RAB18: variants seen among roughly 807,000 people sequenced by gnomAD.
The protein encoded by RAB18 is RAB18, member RAS oncogene family.
In RAB18, 10 loss-of-function variants were observed where a neutral mutation model predicts 28.5. The ratio of observed to expected loss-of-function variants is 0.35; its 90% CI spans 0.22 to 0.60. RAB18 has a LOEUF of 0.60. Ranked by LOEUF, RAB18 falls within the 20% of genes least tolerant of loss-of-function variation. The pLI is 0.78. For missense variants in RAB18, 188 were observed against 244.2 expected (o/e 0.77, Z 1.53); for synonymous variants, 93 against 86.9 (o/e 1.07, Z -0.39).
intron 2 of RAB18, among the ~76,000 whole-genome samples, chr10:27,514,385 G>A (rs1834389740): frequency 6.6e-6 from 1 of 152,094 alleles, no homozygotes; most frequent in Non-Finnish European, 1.5e-5. Flanking sequence ...TAAGAGGCCG[G>A]GGAAGAAATA....
intron 2 of RAB18, among the ~76,000 whole-genome samples, chr10:27,511,773 C>T (rs1418609593): frequency 1.3e-5 from 2 of 152,142 alleles, no homozygotes; most frequent in Non-Finnish European, 2.9e-5. Context: ...GTATAGGTAT[C>T]CTCCTTCTTA....
chr10:27,531,474 G>A, intron 3 of RAB18: 2 of 1,524,974 alleles, frequency 1.3e-6, no homozygotes, highest in Non-Finnish European at 1.8e-6. Flanking sequence ...TACAGCAGTG[G>A]GACTGGTAGC....
intron 2 of RAB18, among the ~76,000 whole-genome samples, chr10:27,513,034 T>TATATA (rs200640744): frequency 4.2e-4 from 49 of 116,412 alleles, no homozygotes; most frequent in African/African-American, 1.3e-3. Context: ...ATATATATAT[T>TATATA]TTTTTTTTTT....
intron 1 of RAB18, among the ~76,000 whole-genome samples, chr10:27,509,224 CAA>C (rs1462809911): frequency 6.6e-6 from 1 of 152,126 alleles, no homozygotes; most frequent in Non-Finnish European, 1.5e-5. Context: ...CTTTTCAAAA[CAA>C]AGAGCAGTAC....
At chr10:27,529,689 G>C (rs1834749635) in intron 3 of RAB18, among the ~76,000 whole-genome samples, 2 of 151,892 alleles carry the variant, frequency 1.3e-5, no homozygotes, top group South Asian at 4.1e-4. Flanking sequence ...AAAAAGCTGT[G>C]CTTCATTTAT....
intron 1 of RAB18, among the ~76,000 whole-genome samples, chr10:27,507,303 GA>G (rs1837866234): frequency 6.6e-6 from 1 of 152,188 alleles, no homozygotes; most frequent in South Asian, 2.1e-4. Context: ...GTAGTCAGGA[GA>G]TCAGGATTAT....
At chr10:27,509,328 T>G (rs373292154) in intron 1 of RAB18, among the ~76,000 whole-genome samples, 178 of 152,330 alleles carry the variant, frequency 1.2e-3, no homozygotes, top group African/African-American at 3.9e-3. Flanking sequence ...GTCTATCTAC[T>G]CTGTCCTGTG....
At chr10:27,513,061 C>T (rs778259774) in intron 2 of RAB18, among the ~76,000 whole-genome samples, 35 of 144,920 alleles carry the variant, frequency 2.4e-4, no homozygotes, top group Admixed American at 5.6e-4. Context: ...AGACAAGAGT[C>T]TCGCTGTGTT....
chr10:27,505,322 T>C lies in RAB18; in HGVS notation c.68+885T>C, dbSNP rs547732446. On this transcript the variant is annotated intron_variant, in intron 1 of 6. Transcript: ENST00000356940. ...GTTATGTTCAAGGCCGTCCTGATCCTTAAACCACATTTGCACTCCAGGGGC... is the reference window on the plus strand; with the variant it reads ...GTTATGTTCAAGGCCGTCCTGATCCCTAAACCACATTTGCACTCCAGGGGC... 2.0e-3 allele frequency: 729 copies of C among 365,022 alleles called. 12 individuals carry two copies. The highest frequency in any genetic ancestry group is 0.015 in the South Asian group (707 of 48,418). The allele number at this position is 365,022 out of a possible 1,614,324, so 22.6% of individuals were successfully genotyped here.
At chr10:27,514,837 A>G (rs765268700) in intron 2 of RAB18, among the ~76,000 whole-genome samples, 59 of 151,782 alleles carry the variant, frequency 3.9e-4, no homozygotes, top group East Asian at 5.8e-4. Flanking sequence ...TGGCACAAAC[A>G]TAGCTCACTC....
chr10:27,533,631 CTT>C (rs1834832921), intron 4 of RAB18, 102 bp from the exon 5 acceptor site: 1 of 1,348,146 alleles, frequency 7.4e-7, no homozygotes, highest in African/African-American at 1.5e-5. Context: ...AAAAAAAAGA[CTT>C]GTCTATATTG....
At chr10:27,534,438 A>G (rs1197171189) in intron 6 of RAB18, among the ~76,000 whole-genome samples, 1 of 152,236 alleles carries the variant, frequency 6.6e-6, no homozygotes, top group South Asian at 2.1e-4. Flanking sequence ...GTCCAGCAAG[A>G]GTTGCCAAAC....
intron 3 of RAB18, chr10:27,531,603 C>T: frequency 1.0e-6 from 1 of 1,004,756 alleles, no homozygotes; most frequent in Non-Finnish European, 1.5e-6. Flanking sequence ...TGAAGTGGGC[C>T]ATGTGGCAAT....
At chr10:27,533,680 ACGCCATTGCTTCTTT>A in intron 4 of RAB18, 40 bp from the exon 5 acceptor site, 1 of 1,572,120 alleles carries the variant, frequency 6.4e-7, no homozygotes, top group Non-Finnish European at 8.7e-7. Context: ...TATCAGAAAT[ACGCCATTGCTTCTTT>A]CTTTAATGCT....
rs994086503 is a variant in RAB18, at chr10:27,538,118, T to A, written c.*67T>A. 2.5e-6 allele frequency: 4 copies of A among 1,591,504 alleles called. No individual in the cohort carries two copies. Among genetic ancestry groups the A allele is most frequent in the Non-Finnish European group, 3.4e-6 (4 of 1,159,782 alleles). On this transcript the variant is annotated 3_prime_UTR_variant, in exon 7 of 7. Coordinates refer to ENST00000356940, the MANE Select transcript of RAB18 (RefSeq NM_021252.5). ...GACATCTTTCTGTATATAAACTCTTTAACTGCTATTTTAGGGACCTTGCAG... is the reference window on the plus strand; with the variant it reads ...GACATCTTTCTGTATATAAACTCTTAAACTGCTATTTTAGGGACCTTGCAG...
At chr10:27,516,902 T>A (rs1834447482) in intron 2 of RAB18, among the ~76,000 whole-genome samples, 1 of 152,194 alleles carries the variant, frequency 6.6e-6, no homozygotes, top group South Asian at 2.1e-4. Flanking sequence ...AGTGGTATGG[T>A]AAAATGTAGC....
At chr10:27,518,163 GT>G (rs1589569536) in intron 2 of RAB18, among the ~76,000 whole-genome samples, 1 of 152,074 alleles carries the variant, frequency 6.6e-6, no homozygotes, top group East Asian at 1.9e-4. Context: ...GTTGTTTCCA[GT>G]TTTTAGTGAT....
intron 1 of RAB18, chr10:27,505,152 C>T (rs765913500): frequency 3.8e-6 from 2 of 532,948 alleles, no homozygotes; most frequent in Admixed American, 3.9e-5. Context: ...TTACTTTTTC[C>T]TTGGGGAAAA....
chr10:27,535,399 G>C (rs1475743970), intron 6 of RAB18, among the ~76,000 whole-genome samples: 1 of 152,186 alleles, frequency 6.6e-6, no homozygotes, highest in Non-Finnish European at 1.5e-5. Flanking sequence ...CTCAGGCTGA[G>C]AGAGGAGCAA....
Sources: gnomAD v4.1 joint callset for allele counts (sites outside exome capture counted in the v4.1 genomes callset) on GRCh38, gnomAD v4.1.1 for gene constraint, MANE v1.5 for transcripts, NCBI Gene and HGNC (gene_info 2026-07-23, HGNC 2026-07-21) for gene names.